The following NRG3 variants were observed in gnomAD, a reference collection of about 807,000 sequenced individuals.
NRG3 encodes the protein neuregulin 3.
Under a neutral mutation model 66.9 loss-of-function variants are expected in NRG3, and 31 were observed. The observed-to-expected ratio is 0.46, with a 90% CI of 0.35 to 0.63. NRG3 has a LOEUF of 0.63. NRG3 is among the 20% of genes least tolerant of loss of function. NRG3 has a pLI of 0.00. For synonymous variants in NRG3, 393 were observed against 359.4 expected (o/e 1.09, Z -1.06); for missense variants, 910 against 878.9 (o/e 1.04, Z -0.45).
chr10:82,063,247 TTAGGTTTATCA>T (rs2064262087), intron 1 of NRG3, among the ~76,000 whole-genome samples: 1 of 152,172 alleles, frequency 6.6e-6, no homozygotes, highest in African/African-American at 2.4e-5. Context: ...GAAATGCATT[TTAGGTTTATCA>T]TCATTTTACA....
At chr10:82,566,222 G>T (rs1016095121) in intron 2 of NRG3, among the ~76,000 whole-genome samples, 22 of 151,902 alleles carry the variant, frequency 1.4e-4, no homozygotes, top group African/African-American at 5.3e-4. Flanking sequence ...TCTTTCTTTG[G>T]TTGTTTTATT....
At position 82,367,997 on chromosome 10, in the gene NRG3, C is replaced by A. The variant is rs181652971; in HGVS notation, c.953+9129C>A. ...CAGCCTAGGTGACAGAGTGAGACTCCATCTCTAAATAAATAAATAAGTAAA... is the reference window on the plus strand; with the variant it reads ...CAGCCTAGGTGACAGAGTGAGACTCAATCTCTAAATAAATAAATAAGTAAA... On this transcript the variant is annotated intron_variant, in intron 2 of 8. Coordinates refer to ENST00000372141, the MANE Select transcript of NRG3 (RefSeq NM_001010848.4). 4.1e-3 allele frequency among the ~76,000 whole-genome samples: 623 copies of A among 152,150 alleles called. 3 individuals carry two copies. The highest frequency in any genetic ancestry group is 0.014 in the Middle Eastern group (4 of 294).
intron 1 of NRG3, among the ~76,000 whole-genome samples, chr10:82,216,573 GGTGTGT>G (rs367590464): frequency 5.0e-5 from 6 of 119,414 alleles, no homozygotes; most frequent in Non-Finnish European, 1.1e-4. Flanking sequence ...TATATATCTG[GGTGTGT>G]GTGTGTGTGT....
chr10:82,592,195 C>T (rs970987942), intron 2 of NRG3, among the ~76,000 whole-genome samples: 2 of 152,078 alleles, frequency 1.3e-5, no homozygotes, highest in Non-Finnish European at 2.9e-5. Context: ...AGAGAGCTTC[C>T]AGGTAAAGCA....
At chr10:82,169,763 G>T (rs975333723) in intron 1 of NRG3, among the ~76,000 whole-genome samples, 1 of 151,360 alleles carries the variant, frequency 6.6e-6, no homozygotes, top group Non-Finnish European at 1.5e-5. Context: ...TAAAGATTAT[G>T]TGTAGTTTCT....
At chr10:82,378,860 C>T (rs1175393816) in intron 2 of NRG3, among the ~76,000 whole-genome samples, 8 of 152,084 alleles carry the variant, frequency 5.3e-5, no homozygotes, top group African/African-American at 1.9e-4. Flanking sequence ...CATGAGCCGC[C>T]GCGCCTGGCT....
intron 1 of NRG3, among the ~76,000 whole-genome samples, chr10:82,085,958 G>T (rs571834614): frequency 6.6e-6 from 1 of 151,990 alleles, no homozygotes; most frequent in Non-Finnish European, 1.5e-5. Flanking sequence ...CCTCTTAGGG[G>T]TCCCACCTCT....
intron 1 of NRG3, among the ~76,000 whole-genome samples, chr10:82,251,940 G>GA (rs2077507570): frequency 4.3e-3 from 1 of 234 alleles, no homozygotes; most frequent in Non-Finnish European, 0.017. Flanking sequence ...GGTGTGGGGT[G>GA]AGGGCATTGC....
chr10:81,971,553 G>A (rs2133373324), intron 1 of NRG3, among the ~76,000 whole-genome samples: 1 of 152,320 alleles, frequency 6.6e-6, no homozygotes, highest in African/African-American at 2.4e-5. Flanking sequence ...CAGCAAAAAA[G>A]TAATAAATGG....
intron 2 of NRG3, among the ~76,000 whole-genome samples, chr10:82,489,857 C>A (rs79009199): frequency 0.021 from 3,180 of 152,246 alleles, 47 homozygotes; most frequent in Non-Finnish European, 0.031. Context: ...CAACATTATA[C>A]AGCTACTAAG....
At chr10:82,640,697 TA>T (rs1056435668) in intron 2 of NRG3, among the ~76,000 whole-genome samples, 2 of 152,158 alleles carry the variant, frequency 1.3e-5, no homozygotes, top group Non-Finnish European at 2.9e-5. Context: ...TAATTATTAT[TA>T]AAAAATTATG....
At chr10:82,405,657 G>A (rs1405549677) in intron 2 of NRG3, among the ~76,000 whole-genome samples, 2 of 151,880 alleles carry the variant, frequency 1.3e-5, no homozygotes, top group African/African-American at 4.8e-5. Context: ...TAGTAGAAAC[G>A]GAATTTTGCC....
chr10:81,900,268 TATAAGTG>T (rs1843927800), intron 1 of NRG3, among the ~76,000 whole-genome samples: 2 of 68,384 alleles, frequency 2.9e-5, no homozygotes, highest in African/African-American at 4.4e-4. Flanking sequence ...GCACACTTCT[TATAAGTG>T]CCTAGCGGGA....
At chr10:82,938,409 A>AT (rs1848280264) in intron 4 of NRG3, among the ~76,000 whole-genome samples, 1 of 152,170 alleles carries the variant, frequency 6.6e-6, no homozygotes, top group Admixed American at 6.5e-5. Flanking sequence ...TGGAGTCCAT[A>AT]TGCCTGCTCT....
chr10:82,815,596 G>C (rs1327793806), intron 3 of NRG3, among the ~76,000 whole-genome samples: 1 of 152,026 alleles, frequency 6.6e-6, no homozygotes, highest in Non-Finnish European at 1.5e-5. Context: ...CCTTTGGTCT[G>C]GAAATCTCAA....
At chr10:81,965,672 C>T (rs780416070) in intron 1 of NRG3, among the ~76,000 whole-genome samples, 3 of 152,190 alleles carry the variant, frequency 2.0e-5, no homozygotes, top group South Asian at 2.1e-4. Flanking sequence ...TGTGCTGATA[C>T]AAATGGGATC....
intron 2 of NRG3, among the ~76,000 whole-genome samples, chr10:82,632,254 G>T (rs2049893590): frequency 6.6e-6 from 1 of 152,054 alleles, no homozygotes; most frequent in African/African-American, 2.4e-5. Context: ...TCCATAAATG[G>T]CCTTTGGGCA....
chr10:82,337,823 T>C (rs185102828), intron 1 of NRG3, among the ~76,000 whole-genome samples: 4 of 152,316 alleles, frequency 2.6e-5, no homozygotes, highest in South Asian at 2.1e-4. Flanking sequence ...AGATGTATGA[T>C]AAAATTTATA....
intron 1 of NRG3, among the ~76,000 whole-genome samples, chr10:82,060,863 G>A (rs2064105808): frequency 6.6e-6 from 1 of 152,108 alleles, no homozygotes; most frequent in South Asian, 2.1e-4. Context: ...TGGTTGGTGC[G>A]GTTCGCTCTT....
Sources: allele counts gnomAD v4.1 joint callset (sites outside exome capture counted in the v4.1 genomes callset), GRCh38; gene constraint gnomAD v4.1.1; transcripts MANE v1.5; gene names NCBI Gene and HGNC (gene_info 2026-07-23, HGNC 2026-07-21).